Variants in SMIM8 observed in about 807,000 individuals in gnomAD.
SMIM8 encodes the protein UPF0708 protein C6orf162.
In SMIM8, 8 loss-of-function variants were observed where a neutral mutation model predicts 8.1. That is an observed-to-expected ratio of 0.99 (90% CI 0.58 to 1.78). The LOEUF is 1.78. SMIM8 is among the 40% of genes most tolerant of loss of function. The pLI is 0.00. For missense variants in SMIM8, 126 were observed against 119.8 expected, an observed-to-expected ratio of 1.05 and a Z score of -0.24; for synonymous variants, 45 against 39.7, an observed-to-expected ratio of 1.13 and a Z score of -0.50.
chr6:87,331,583 CG>C (rs1328455147), intron 2 of SMIM8, among the ~76,000 whole-genome samples: 1 of 152,098 alleles, frequency 6.6e-6, no homozygotes, highest in Non-Finnish European at 1.5e-5. Flanking sequence ...AGAATTTTCT[CG>C]TATGTAGAAA....
chr6:87,333,459 C>G (rs1356565071), intron 2 of SMIM8, among the ~76,000 whole-genome samples: 1 of 152,172 alleles, frequency 6.6e-6, no homozygotes, highest in Non-Finnish European at 1.5e-5. Flanking sequence ...ATCACTGACA[C>G]CTGTTATAGG....
chr6:87,328,739 A>G (rs1158798722), intron 1 of SMIM8, among the ~76,000 whole-genome samples: 1 of 152,198 alleles, frequency 6.6e-6, no homozygotes, highest in Admixed American at 6.5e-5. Flanking sequence ...GGTGGAGCCT[A>G]CAGAGGCAGG....
chr6:87,329,587 G>A (rs974706358), intron 1 of SMIM8, among the ~76,000 whole-genome samples: 3 of 152,106 alleles, frequency 2.0e-5, no homozygotes, highest in African/African-American at 4.8e-5. Flanking sequence ...CACCCTGCCC[G>A]GCAGGAAAGA....
rs1398553501 is a variant in SMIM8 at position 87,341,253 on chromosome 6, C to T, written c.*979C>T. The T allele has an allele frequency of 2.5e-6, 1 of 398,416 alleles. No homozygotes were observed. The highest frequency in any genetic ancestry group is 4.4e-5 in the Admixed American group (1 of 22,714). 24.7% of individuals were successfully genotyped at this position (398,416 alleles called of 1,614,324 possible). A position where few individuals can be genotyped will look rare whatever the true frequency, so the allele number is the denominator to read the frequency against. On this transcript the variant is annotated 3_prime_UTR_variant, in exon 4 of 4. Coordinates refer to ENST00000392863, the MANE Select transcript of SMIM8 (RefSeq NM_001042493.3). The stretch of plus-strand genomic sequence containing the variant: ...TGTTTCTTATTCTCTGAAGCATCAG[C>T]ATTTTGAAGTGTCTTTTATGGAAGT...
chr6:87,323,987 C>T (rs937601926), intron 1 of SMIM8, among the ~76,000 whole-genome samples: 13 of 150,418 alleles, frequency 8.6e-5, no homozygotes, highest in Non-Finnish European at 1.3e-4. Flanking sequence ...GAGATGGTAT[C>T]TCATTGTGGT....
At chr6:87,324,229 G>A (rs1212989566) in intron 1 of SMIM8, among the ~76,000 whole-genome samples, 1 of 152,130 alleles carries the variant, frequency 6.6e-6, no homozygotes, top group Non-Finnish European at 1.5e-5. Context: ...TAGGTTGCCT[G>A]TTCACTCTGA....
At chr6:87,339,459 T>C (rs1777177519) in intron 3 of SMIM8, among the ~76,000 whole-genome samples, 1 of 149,912 alleles carries the variant, frequency 6.7e-6, no homozygotes, top group African/African-American at 2.5e-5. Flanking sequence ...TGTGTGTGTG[T>C]GTGTTTTAAC....
At chr6:87,329,857 C>T (rs1435022009) in intron 1 of SMIM8, among the ~76,000 whole-genome samples, 1 of 152,126 alleles carries the variant, frequency 6.6e-6, no homozygotes, top group Non-Finnish European at 1.5e-5. Flanking sequence ...GGGAGTTAGA[C>T]TAAATGGTGA....
At position 87,340,264 on chromosome 6, in the gene SMIM8, A is replaced by C; in HGVS notation, c.284A>C (p.Lys95Thr). The change falls in exon 4 of 4, where the codon AAA becomes ACA. Residue 95 changes from lysine to threonine, a missense_variant. By Grantham distance (78) the Lys-to-Thr change is moderately conservative. Coordinates refer to ENST00000392863, the MANE Select transcript of SMIM8 (RefSeq NM_001042493.3). ...AGTTATATGAGGCGGAAAACATCCA[A>C]ATGGGATTAGTAGTGCTGGTTAGTG... ...GHSYMRRKTSKWD is the reference protein window; with the variant it reads ...GHSYMRRKTSTWD 1 of 1,598,470 alleles carries C rather than the reference A, an allele frequency of 6.3e-7. No homozygotes were observed. The highest frequency in any genetic ancestry group is 8.5e-7 in the Non-Finnish European group (1 of 1,175,410).
intron 1 of SMIM8, among the ~76,000 whole-genome samples, chr6:87,323,551 T>C (rs550111895): frequency 1.6e-4 from 24 of 151,840 alleles, no homozygotes; most frequent in Non-Finnish European, 2.9e-4. Context: ...TGCGATAGTT[T>C]ACTGAGAATG....
intron 1 of SMIM8, chr6:87,322,900 T>C (rs1482230887): frequency 6.6e-6 from 1 of 152,432 alleles, no homozygotes; most frequent in East Asian, 1.9e-4. Context: ...GCTTCATCCA[T>C]GGACACCCCC....
chr6:87,328,833 G>A (rs942823177), intron 1 of SMIM8, among the ~76,000 whole-genome samples: 3 of 152,190 alleles, frequency 2.0e-5, no homozygotes, highest in Admixed American at 1.3e-4. Context: ...GGGCAATGGC[G>A]GGCGCCCCTC....
At chr6:87,335,646 C>T (rs771985178) in intron 2 of SMIM8, among the ~76,000 whole-genome samples, 20 of 151,822 alleles carry the variant, frequency 1.3e-4, no homozygotes, top group East Asian at 5.8e-4. Flanking sequence ...TCCTTAACTA[C>T]GAAGTTGTGA....
rs1777207609 is a variant in SMIM8 at position 87,340,611 on chromosome 6, T to C, written c.*337T>C. 1 of 162,688 alleles carries C rather than the reference T, an allele frequency of 6.1e-6. No individual in the cohort carries two copies. The highest frequency in any genetic ancestry group is 1.3e-5 in the Non-Finnish European group (1 of 75,376). 10.1% of individuals were successfully genotyped at this position (162,688 alleles called of 1,614,324 possible). A position where few individuals can be genotyped will look rare whatever the true frequency, so the allele number is the denominator to read the frequency against. ...GCATGATGTTTTAAATATTTTAAGA[T>C]GAATTATGCCGGTGCAGCTGTCGTG... On this transcript the variant is annotated 3_prime_UTR_variant, in exon 4 of 4. Transcript: ENST00000392863.
At chr6:87,323,748 T>A (rs1053582678) in intron 1 of SMIM8, among the ~76,000 whole-genome samples, 1 of 152,122 alleles carries the variant, frequency 6.6e-6, no homozygotes, top group African/African-American at 2.4e-5. Context: ...TGTGCTTGTG[T>A]CTTTACAGCA....
chr6:87,330,336 A>T (rs183929933), intron 1 of SMIM8, among the ~76,000 whole-genome samples: 1 of 152,136 alleles, frequency 6.6e-6, no homozygotes, highest in Non-Finnish European at 1.5e-5. Context: ...TTTGTCTTCT[A>T]TTGAGGTGCT....
chr6:87,324,154 A>G (rs571500182), intron 1 of SMIM8, among the ~76,000 whole-genome samples: 35 of 152,036 alleles, frequency 2.3e-4, no homozygotes, highest in African/African-American at 8.2e-4. Context: ...GCTTGAGTTG[A>G]TTGTAGATTC....
At chr6:87,329,808 CTCCTTGGGTCTGGGTT>C (rs570689295) in intron 1 of SMIM8, among the ~76,000 whole-genome samples, 2 of 152,186 alleles carry the variant, frequency 1.3e-5, no homozygotes, top group South Asian at 4.2e-4. Context: ...GTAAGGACAT[CTCCTTGGGTCTGGGTT>C]TCTCAGAAAG....
rs1227250047 is a variant in SMIM8, at chr6:87,340,884, A to G, written c.*610A>G. 2 of 157,110 alleles carry G rather than the reference A, an allele frequency of 1.3e-5. No homozygotes were observed. Among genetic ancestry groups the G allele is most frequent in the African/African-American group, 4.8e-5 (2 of 41,546 alleles). The allele number at this position is 157,110 out of a possible 1,614,324, so 9.7% of individuals were successfully genotyped here. A position where few individuals can be genotyped will look rare whatever the true frequency, so the allele number is the denominator to read the frequency against. ...TTATTTTAATGGAAAAGATCCTTCC[A>G]CTCAGCTACTAAAATAAGGATTAAG... On this transcript the variant is annotated 3_prime_UTR_variant, in exon 4 of 4. Transcript: ENST00000392863.
Sources: gnomAD v4.1 joint callset for allele counts (sites outside exome capture counted in the v4.1 genomes callset) on GRCh38, gnomAD v4.1.1 for gene constraint, MANE v1.5 for transcripts, NCBI Gene and HGNC (gene_info 2026-07-23, HGNC 2026-07-21) for gene names.